DAG1: variants seen among roughly 807,000 people sequenced by gnomAD.
DAG1 encodes dystroglycan 1 (dystrophin-associated glycoprotein 1).
DAG1 carries 8 observed loss-of-function variants against 46.1 expected under a neutral mutation model. That is an observed-to-expected ratio of 0.17 (90% CI 0.10 to 0.31). The LOEUF (loss-of-function observed/expected upper bound fraction) is 0.31. Among genes scored for constraint, DAG1 ranks in the 10% least tolerant of loss-of-function variants. The probability of loss-of-function intolerance (pLI) is 1.00; values close to 1 mark genes in which losing one functional copy is unlikely to be tolerated. For missense variants in DAG1, 1,003 were observed against 1,189.9 expected (o/e 0.84, Z 2.31); for synonymous variants, 495 against 481.8 (o/e 1.03, Z -0.36).
At chr3:49,514,625 C>T (rs879892588) in intron 2 of DAG1, among the ~76,000 whole-genome samples, 1 of 152,008 alleles carries the variant, frequency 6.6e-6, no homozygotes, top group Non-Finnish European at 1.5e-5. Flanking sequence ...CATGCGCTAC[C>T]ACACCTGGCT....
rs951506554 is a variant in DAG1, at chr3:49,533,626, G to A, written c.*427G>A. On this transcript the variant is annotated 3_prime_UTR_variant, in exon 3 of 3. Coordinates refer to ENST00000308775, the MANE Select transcript of DAG1 (RefSeq NM_004393.6). Reference sequence around the variant, plus strand: ...ATTCACGTGTGTCTAGCTGCAGGATGTAACATGGAAAACAGTAACTAAAGA... The same window carrying A: ...ATTCACGTGTGTCTAGCTGCAGGATATAACATGGAAAACAGTAACTAAAGA... 13 of 332,800 alleles carry A rather than the reference G, an allele frequency of 3.9e-5. No homozygotes were observed. Among genetic ancestry groups the A allele is most frequent in the Non-Finnish European group, 7.6e-5 (13 of 171,926 alleles). 20.6% of individuals were successfully genotyped at this position (332,800 alleles called of 1,614,324 possible).
intron 1 of DAG1, among the ~76,000 whole-genome samples, chr3:49,479,554 C>T (rs925762048): frequency 1.3e-4 from 20 of 151,304 alleles, no homozygotes; most frequent in African/African-American, 4.4e-4. Context: ...TGATCCCGTC[C>T]GTCTTGATCT....
intron 2 of DAG1, among the ~76,000 whole-genome samples, chr3:49,519,450 C>T (rs1245244237): frequency 1.3e-5 from 2 of 152,132 alleles, no homozygotes; most frequent in Admixed American, 6.5e-5. Context: ...CCAATTGTTC[C>T]CCTGAGAACA....
At chr3:49,475,558 C>T (rs1366536547) in intron 1 of DAG1, among the ~76,000 whole-genome samples, 16 of 151,972 alleles carry the variant, frequency 1.1e-4, no homozygotes, top group Non-Finnish European at 1.5e-5. Context: ...GTATGAGCCA[C>T]CGTGCCCAGC....
At chr3:49,491,442 C>T in intron 1 of DAG1, among the ~76,000 whole-genome samples, 1 of 151,768 alleles carries the variant, frequency 6.6e-6, no homozygotes. Context: ...TCCCAAGTAG[C>T]AGGGATCATA....
intron 2 of DAG1, among the ~76,000 whole-genome samples, chr3:49,527,560 A>G (rs1295674041): frequency 1.4e-5 from 2 of 141,970 alleles, no homozygotes; most frequent in Non-Finnish European, 3.1e-5. Context: ...AAAATTAGCC[A>G]GGCGTGGTGG....
intron 1 of DAG1, among the ~76,000 whole-genome samples, chr3:49,473,250 C>T (rs2049578043): frequency 6.6e-6 from 1 of 151,654 alleles, no homozygotes; most frequent in Non-Finnish European, 1.5e-5. Flanking sequence ...CCTGTCTCTA[C>T]TAAAAATACA....
In DAG1 at chr3:49,470,314, C is replaced by G. The variant is rs1334472435; in HGVS notation, c.-236C>G. The G allele has an allele frequency of 6.6e-6, 1 of 152,380 alleles. No individual in the cohort carries two copies. The highest frequency in any genetic ancestry group is 1.5e-5 in the Non-Finnish European group (1 of 68,290). The allele number at this position is 152,380 out of a possible 1,614,324, so 9.4% of individuals were successfully genotyped here. On this transcript the variant is annotated 5_prime_UTR_variant, in exon 1 of 3. Transcript: ENST00000308775. ...GAAGGCTGCGGCGCGGCGCTCGCGCCTCTTAGGCTTGGCGGTGGCGGCGGC... is the reference window on the plus strand; with the variant it reads ...GAAGGCTGCGGCGCGGCGCTCGCGCGTCTTAGGCTTGGCGGTGGCGGCGGC...
At chr3:49,484,187 G>A (rs1024134551) in intron 1 of DAG1, among the ~76,000 whole-genome samples, 1 of 152,162 alleles carries the variant, frequency 6.6e-6, no homozygotes, top group African/African-American at 2.4e-5. Context: ...ATAATATTTT[G>A]TCAGAAGGGT....
chr3:49,484,497 G>A (rs549341291), intron 1 of DAG1, among the ~76,000 whole-genome samples: 1 of 152,270 alleles, frequency 6.6e-6, no homozygotes, highest in East Asian at 1.9e-4. Context: ...TTTTGGAGAA[G>A]AGAGTCTCCT....
At chr3:49,514,826 T>TGTGTGTGTGTGTGTAC (rs1176690899) in intron 2 of DAG1, among the ~76,000 whole-genome samples, 1 of 151,634 alleles carries the variant, frequency 6.6e-6, no homozygotes, top group Non-Finnish European at 1.5e-5. Flanking sequence ...TGTGTGTGTG[T>TGTGTGTGTGTGTGTAC]GTGTGTGTGT....
chr3:49,511,519 T>C (rs2050761325), intron 2 of DAG1, among the ~76,000 whole-genome samples: 1 of 152,198 alleles, frequency 6.6e-6, no homozygotes. Flanking sequence ...CCTCAAGTTA[T>C]GAACATCTTC....
chr3:49,504,832 C>T (rs1358133288), intron 1 of DAG1, among the ~76,000 whole-genome samples: 27 of 140,566 alleles, frequency 1.9e-4, no homozygotes, highest in South Asian at 4.5e-4. Context: ...AGGATGGCCT[C>T]GATCTCCTGA....
At chr3:49,530,185 A>G (rs1385129620) in intron 2 of DAG1, among the ~76,000 whole-genome samples, 1 of 152,190 alleles carries the variant, frequency 6.6e-6, no homozygotes, top group African/African-American at 2.4e-5. Flanking sequence ...CATTAGATAC[A>G]ACTAACTCTC....
At chr3:49,507,819 A>C (rs2050648448) in intron 1 of DAG1, among the ~76,000 whole-genome samples, 1 of 151,974 alleles carries the variant, frequency 6.6e-6, no homozygotes, top group Non-Finnish European at 1.5e-5. Flanking sequence ...TCTTAAAAAA[A>C]AATTTTATCC....
intron 1 of DAG1, among the ~76,000 whole-genome samples, chr3:49,494,461 G>C (rs568601166): frequency 1.0e-3 from 156 of 152,206 alleles, no homozygotes; most frequent in Admixed American, 3.0e-3. Flanking sequence ...CCACCAGCCA[G>C]CACACTTTTT....
chr3:49,505,022 G>T (rs1476502903), intron 1 of DAG1, among the ~76,000 whole-genome samples: 2 of 148,444 alleles, frequency 1.3e-5, no homozygotes, highest in South Asian at 2.1e-4. Context: ...TTGAGACAGG[G>T]TCTTGCTCCG....
chr3:49,514,392 C>T (rs971588260), intron 2 of DAG1, among the ~76,000 whole-genome samples: 1 of 152,202 alleles, frequency 6.6e-6, no homozygotes, highest in Non-Finnish European at 1.5e-5. Context: ...TTTCTATGCT[C>T]ATCAAGAGAT....
intron 1 of DAG1, among the ~76,000 whole-genome samples, chr3:49,479,623 CATTT>C (rs2049804026): frequency 8.6e-6 from 1 of 115,922 alleles, no homozygotes; most frequent in Admixed American, 1.1e-4. Context: ...CTGAATATAA[CATTT>C]CTTTTTTTTT....
Sources: gnomAD v4.1 joint callset for allele counts (sites outside exome capture counted in the v4.1 genomes callset) on GRCh38, gnomAD v4.1.1 for gene constraint, MANE v1.5 for transcripts, NCBI Gene and HGNC (gene_info 2026-07-23, HGNC 2026-07-21) for gene names.